Variants in CACNA1A observed in about 807,000 individuals in gnomAD.
CACNA1A encodes the protein calcium voltage-gated channel subunit alpha1 A.
In CACNA1A, 57 loss-of-function variants were observed where a neutral mutation model predicts 262.4. The observed-to-expected ratio is 0.22, with a 90% CI of 0.18 to 0.27. CACNA1A has a LOEUF of 0.27. Ranked by LOEUF, CACNA1A falls within the 10% of genes least tolerant of loss-of-function variation. The pLI is 1.00. For synonymous variants in CACNA1A, 1,431 were observed against 1,419.3 expected, an observed-to-expected ratio of 1.01 and a Z score of -0.18; for missense variants, 2,526 against 3,562.8, an observed-to-expected ratio of 0.71 and a Z score of 7.41.
rs1449673964 is a variant in CACNA1A, at chr19:13,308,047, G to A, written c.1913+73C>T. Reference sequence around the variant, plus strand: ...GGGCTACGAGGAAGGCAGCCTGCACGGTGGAGGGGACTGTGTGTTCCCTGA... The same window carrying A: ...GGGCTACGAGGAAGGCAGCCTGCACAGTGGAGGGGACTGTGTGTTCCCTGA... On this transcript the variant is annotated intron_variant, in intron 14 of 46. Coordinates refer to ENST00000360228, the MANE Select transcript of CACNA1A (RefSeq NM_001127222.2). This position sits in a 1 kb window ranked among gnomAD's most constrained non-coding sequence, Gnocchi z 4.2. The A allele has an allele frequency of 5.1e-6, 8 of 1,579,684 alleles. No individual in the cohort carries two copies. The highest frequency in any genetic ancestry group is 1.2e-5 in the South Asian group (1 of 86,658).
At position 13,299,259 on chromosome 19, in the gene CACNA1A, C is replaced by A. The variant is rs753248182; in HGVS notation, c.2374G>T (p.Ala792Ser). ...RKQNLLASRE[A>S]LYNEMDPDER... is the part of the protein sequence containing the mutation. Reference sequence around the variant, plus strand: ...TCCGGGTCCATTTCGTTATACAGGGCCTCCCGGCTGGCCAGCAAGTTCTGC... The same window carrying A: ...TCCGGGTCCATTTCGTTATACAGGGACTCCCGGCTGGCCAGCAAGTTCTGC... Residue 792 changes from alanine (A) to serine (S), a missense_variant, in exon 19 of 47, where the codon GCC becomes TCC. Around this residue, in one of 17 missense-constraint regions of CACNA1A, gnomAD observed 765 missense variants for 748.6 expected, o/e 1.02. Coordinates refer to ENST00000360228, the MANE Select transcript of CACNA1A (RefSeq NM_001127222.2). The A allele has an allele frequency of 1.2e-6, 2 of 1,607,426 alleles. No individual in the cohort carries two copies. Among genetic ancestry groups the A allele is most frequent in the East Asian group, 4.5e-5 (2 of 44,884 alleles).
Position 13,214,740 on chromosome 19 carries a change from C to T in CACNA1A, c.5732-132G>A. 1 of 705,634 alleles carries T rather than the reference C, an allele frequency of 1.4e-6. No homozygotes were observed. The highest frequency in any genetic ancestry group is 1.7e-5 in the South Asian group (1 of 57,776). The allele number at this position is 705,634 out of a possible 1,614,324, so 43.7% of individuals were successfully genotyped here. A position where few individuals can be genotyped will look rare whatever the true frequency, so the allele number is the denominator to read the frequency against. On this transcript the variant is annotated intron_variant, in intron 38 of 46. Coordinates refer to ENST00000360228, the MANE Select transcript of CACNA1A (RefSeq NM_001127222.2). This position sits in a 1 kb window ranked among gnomAD's most constrained non-coding sequence, Gnocchi z 4.1. ...GGTCCCCATGGGGTCTCCAGTTCCC[C>T]AACGGCCTGGCCCAGAGGAGGCCCT... is the stretch of plus-strand genomic sequence containing the variant.
At chr19:13,482,654 C>T (rs1042388886) in intron 1 of CACNA1A, among the ~76,000 whole-genome samples, 1 of 152,158 alleles carries the variant, frequency 6.6e-6, no homozygotes, top group African/African-American at 2.4e-5. Context: ...TATTGGCTGT[C>T]TTCCATTACC....
At chr19:13,380,110 C>T (rs1204418361) in intron 3 of CACNA1A, among the ~76,000 whole-genome samples, 9 of 125,664 alleles carry the variant, frequency 7.2e-5, no homozygotes, top group Middle Eastern at 6.8e-3. Context: ...ATGGTGAAAA[C>T]CCGTCTCTAC....
chr19:13,311,305 G>C (rs1431095681), intron 12 of CACNA1A, among the ~76,000 whole-genome samples: 1 of 152,074 alleles, frequency 6.6e-6, no homozygotes, highest in Non-Finnish European at 1.5e-5. Context: ...TGCCTGGGCT[G>C]GTTTTCAACT....
chr19:13,322,437 G>A (rs949899751), intron 10 of CACNA1A, among the ~76,000 whole-genome samples: 1 of 152,120 alleles, frequency 6.6e-6, no homozygotes, highest in Non-Finnish European at 1.5e-5. Context: ...CTAGAACTGT[G>A]AGAGAAGAAA....
chr19:13,270,751 G>C (rs776616060), intron 24 of CACNA1A, among the ~76,000 whole-genome samples: 1 of 152,222 alleles, frequency 6.6e-6, no homozygotes, highest in Non-Finnish European at 1.5e-5. Context: ...TGACAGTGGG[G>C]TGGGGAGGGT....
Position 13,227,410 on chromosome 19 carries a change from TG to T in CACNA1A, c.5625+20del. 7.2e-7 allele frequency: 1 copy of T among 1,388,356 alleles called. No individual in the cohort carries two copies. Among genetic ancestry groups the T allele is most frequent in the Non-Finnish European group, 1.0e-6 (1 of 1,003,838 alleles). The allele number at this position is 1,388,356 out of a possible 1,614,324, so 86.0% of individuals were successfully genotyped here. A position where few individuals can be genotyped will look rare whatever the true frequency, so the allele number is the denominator to read the frequency against. On this transcript the variant is annotated intron_variant, in intron 37 of 46. Coordinates refer to ENST00000360228, the MANE Select transcript of CACNA1A (RefSeq NM_001127222.2). ...AAAAAACCCAGTGCCTGGACGTCGG[TG>T]GTCGGCAAGGGTAGTCTACCTTGTA...
intron 1 of CACNA1A, among the ~76,000 whole-genome samples, chr19:13,505,302 G>A (rs1317637383): frequency 6.6e-6 from 1 of 151,896 alleles, no homozygotes; most frequent in Non-Finnish European, 1.5e-5. Flanking sequence ...CTCCAGATAG[G>A]AACAGCGGCC....
chr19:13,445,329 G>A (rs1241850920), intron 3 of CACNA1A, among the ~76,000 whole-genome samples: 1 of 152,142 alleles, frequency 6.6e-6, no homozygotes, highest in East Asian at 1.9e-4. Context: ...GTCAGAGCTG[G>A]CAAAGACCCA....
chr19:13,480,972 T>C (rs1313522700), intron 1 of CACNA1A, among the ~76,000 whole-genome samples: 4 of 152,176 alleles, frequency 2.6e-5, no homozygotes, highest in African/African-American at 9.6e-5. Context: ...CGAATCTAGA[T>C]AGCCTAGGCT....
chr19:13,227,575 A>C, intron 36 of CACNA1A, 48 bp from the exon 37 acceptor site: 2 of 1,122,168 alleles, frequency 1.8e-6, no homozygotes, highest in Non-Finnish European at 2.6e-6. Flanking sequence ...CAAAAAAACA[A>C]AACGGGAATG....
chr19:13,480,074 C>T (rs1345908771), intron 1 of CACNA1A, among the ~76,000 whole-genome samples: 1 of 152,222 alleles, frequency 6.6e-6, no homozygotes, highest in East Asian at 1.9e-4. Flanking sequence ...CGTACTATAA[C>T]AATAACATAC....
intron 24 of CACNA1A, among the ~76,000 whole-genome samples, chr19:13,266,724 C>T (rs550775158): frequency 4.6e-5 from 7 of 152,260 alleles, no homozygotes; most frequent in South Asian, 2.1e-4. Context: ...CAGGTGTGCA[C>T]CACCAAGCCC....
chr19:13,454,788 T>C (rs1301867446), intron 2 of CACNA1A, among the ~76,000 whole-genome samples: 2 of 151,924 alleles, frequency 1.3e-5, no homozygotes, highest in African/African-American at 2.4e-5. Flanking sequence ...TCCCCATCTC[T>C]ACAAAAAAAG....
In CACNA1A at chr19:13,380,761, A is replaced by G. The variant is rs867021665; in HGVS notation, c.540-8982T>C. Among the ~76,000 whole-genome samples, 628 of 113,428 alleles carry G rather than the reference A, an allele frequency of 5.5e-3. 1 individual carries two copies. The highest frequency in any genetic ancestry group is 0.014 in the Middle Eastern group (3 of 222). 74.4% of individuals were successfully genotyped at this position (113,428 alleles called of 152,430 possible). On this transcript the variant is annotated intron_variant, in intron 3 of 46. Coordinates refer to ENST00000360228, the MANE Select transcript of CACNA1A (RefSeq NM_001127222.2). ...TGTTTGTTTGTTTGTTTATTTATTTATTTATTTATTTATTTATTTATTTAT... is the reference window on the plus strand; with the variant it reads ...TGTTTGTTTGTTTGTTTATTTATTTGTTTATTTATTTATTTATTTATTTAT...
chr19:13,437,708 A>G (rs949046133), intron 3 of CACNA1A, among the ~76,000 whole-genome samples: 19 of 151,064 alleles, frequency 1.3e-4, no homozygotes, highest in African/African-American at 3.2e-4. Context: ...AAAAAAAAAA[A>G]AAAAAAGAAA....
chr19:13,398,940 C>T (rs73505157), intron 3 of CACNA1A, among the ~76,000 whole-genome samples: 3,922 of 152,246 alleles, frequency 0.026, 167 homozygotes, highest in African/African-American at 0.09. Flanking sequence ...CAGGCTTGAG[C>T]CTGGGATTAT....
intron 9 of CACNA1A, among the ~76,000 whole-genome samples, chr19:13,331,646 C>CA (rs2058470474): frequency 5.9e-5 from 9 of 151,734 alleles, no homozygotes; most frequent in Middle Eastern, 3.4e-3. Context: ...ATATTGCAGA[C>CA]ATATTATTCT....
Sources: allele counts gnomAD v4.1 joint callset (sites outside exome capture counted in the v4.1 genomes callset), GRCh38; gene constraint gnomAD v4.1.1; regional missense constraint gnomAD v4.1.1; non-coding constraint Gnocchi (gnomAD v3.1); transcripts MANE v1.5; gene names NCBI Gene and HGNC (gene_info 2026-07-23, HGNC 2026-07-21).